Variants in MBNL1 observed in about 807,000 individuals in gnomAD.
MBNL1 encodes muscleblind like splicing regulator 1.
Under a neutral mutation model 42.2 loss-of-function variants are expected in MBNL1, and 8 were observed. The ratio of observed to expected loss-of-function variants is 0.19; its 90% CI spans 0.11 to 0.34. The LOEUF (loss-of-function observed/expected upper bound fraction) is 0.34. Ranked by LOEUF, MBNL1 falls within the 10% of genes least tolerant of loss-of-function variation. The pLI is 1.00. For missense variants in MBNL1, 309 were observed against 495.3 expected (o/e 0.62, Z 3.57); for synonymous variants, 169 against 173.9 (o/e 0.97, Z 0.22).
chr3:152,407,217 T>A (rs1225853422), intron 2 of MBNL1, among the ~76,000 whole-genome samples: 1 of 146,844 alleles, frequency 6.8e-6, no homozygotes. Flanking sequence ...TTCTTTTTTT[T>A]TTTTTTTTTT....
intron 2 of MBNL1, among the ~76,000 whole-genome samples, chr3:152,390,314 T>C (rs2097654855): frequency 6.6e-6 from 1 of 151,924 alleles, no homozygotes; most frequent in East Asian, 1.9e-4. Flanking sequence ...GTATATGTTA[T>C]TTTAGGCCTA....
chr3:152,376,834 A>G lies in MBNL1; in HGVS notation c.175-38107A>G, dbSNP rs900558204. Among the ~76,000 whole-genome samples, 13 of 152,138 alleles carry G rather than the reference A, an allele frequency of 8.5e-5. 2 individuals are homozygous for G. The South Asian group carries it at 2.5e-3, about 29-fold the overall frequency. ...CACACACATACACACACACATACAT[A>G]TATATCTCTTCTTGGGGAAAATGGG... is the stretch of plus-strand genomic sequence containing the variant. On this transcript the variant is annotated intron_variant, in intron 2 of 9. Transcript: ENST00000324210.
chr3:152,288,291 T>C (rs1456920594), intron 1 of MBNL1, among the ~76,000 whole-genome samples: 1 of 152,204 alleles, frequency 6.6e-6, no homozygotes, highest in African/African-American at 2.4e-5. Context: ...TATAAGAGTA[T>C]ATACCTATCT....
At chr3:152,272,026 TC>T (rs1431538927) in intron 1 of MBNL1, among the ~76,000 whole-genome samples, 5 of 144,660 alleles carry the variant, frequency 3.5e-5, no homozygotes, top group Non-Finnish European at 7.5e-5. Flanking sequence ...TAGATTAACT[TC>T]ACCTGTTTCT....
At chr3:152,430,806 CTTG>C (rs1172284110) in intron 3 of MBNL1, among the ~76,000 whole-genome samples, 2 of 152,104 alleles carry the variant, frequency 1.3e-5, no homozygotes, top group Non-Finnish European at 2.9e-5. Context: ...ACAGATAGTT[CTTG>C]TTGTCTGCAG....
At chr3:152,347,868 T>C (rs1275396644) in intron 2 of MBNL1, among the ~76,000 whole-genome samples, 2 of 152,174 alleles carry the variant, frequency 1.3e-5, no homozygotes, top group African/African-American at 4.8e-5. Flanking sequence ...TTTAAAAATA[T>C]ACTGTGAAAG....
At chr3:152,329,971 CA>C (rs1332401332) in intron 2 of MBNL1, among the ~76,000 whole-genome samples, 4 of 151,830 alleles carry the variant, frequency 2.6e-5, no homozygotes, top group South Asian at 4.1e-4. Flanking sequence ...CTATATCATA[CA>C]AAAATATTTA....
At chr3:152,284,921 C>T (rs1019786255) in intron 1 of MBNL1, among the ~76,000 whole-genome samples, 4 of 152,050 alleles carry the variant, frequency 2.6e-5, no homozygotes, top group Non-Finnish European at 4.4e-5. Context: ...AAATCAGCTA[C>T]GGAGTATCTA....
intron 2 of MBNL1, among the ~76,000 whole-genome samples, chr3:152,251,815 T>C (rs1368496093): frequency 6.6e-6 from 1 of 152,060 alleles, no homozygotes; most frequent in Non-Finnish European, 1.5e-5. Flanking sequence ...CTCTATTGCA[T>C]AATGATGGCT....
chr3:152,459,477 G>A, intron 9 of MBNL1, 132 bp downstream of exon 9: 1 of 425,296 alleles, frequency 2.4e-6, no homozygotes, highest in Non-Finnish European at 4.3e-6. Context: ...TCTTAAATGG[G>A]TGTGAGGAAT....
At chr3:152,388,611 C>A (rs1449582204) in intron 2 of MBNL1, among the ~76,000 whole-genome samples, 1 of 152,108 alleles carries the variant, frequency 6.6e-6, no homozygotes, top group East Asian at 1.9e-4. Context: ...TCTAAAGTTT[C>A]CGACTTTGAG....
intron 2 of MBNL1, among the ~76,000 whole-genome samples, chr3:152,249,655 G>A (rs1006983715): frequency 3.3e-5 from 5 of 151,176 alleles, no homozygotes; most frequent in Non-Finnish European, 7.4e-5. Context: ...GGCTTTTGTT[G>A]CCATTCTTTT....
At chr3:152,250,686 C>A (rs1299787531) in intron 2 of MBNL1, among the ~76,000 whole-genome samples, 1 of 150,260 alleles carries the variant, frequency 6.7e-6, no homozygotes, top group Admixed American at 6.7e-5. Context: ...GAGGGCATCC[C>A]TGTCTTGTGC....
chr3:152,304,811 C>T (rs193097763), intron 2 of MBNL1, among the ~76,000 whole-genome samples: 34 of 152,306 alleles, frequency 2.2e-4, no homozygotes, highest in Admixed American at 1.9e-3. Context: ...TTCTCAATAG[C>T]TGCAGTTGCT....
chr3:152,280,356 AAATC>A (rs1419875497), intron 1 of MBNL1, among the ~76,000 whole-genome samples: 1 of 152,186 alleles, frequency 6.6e-6, no homozygotes, highest in East Asian at 1.9e-4. Context: ...AGAAGAGACA[AAATC>A]AACTCATAAT....
At chr3:152,301,903 A>G (rs1474853583) in intron 2 of MBNL1, 3 of 152,160 alleles carry the variant, frequency 2.0e-5, no homozygotes, top group Non-Finnish European at 4.4e-5. Flanking sequence ...AGTAAATCCA[A>G]TTTTTAATCC....
At chr3:152,326,765 T>C (rs2080465086) in intron 2 of MBNL1, among the ~76,000 whole-genome samples, 1 of 130,430 alleles carries the variant, frequency 7.7e-6, no homozygotes, top group African/African-American at 2.9e-5. Context: ...TAAAAAATTT[T>C]TCCCTTGGGA....
At chr3:152,269,744 G>A (rs1379602858) in intron 1 of MBNL1, 1 of 240,812 alleles carries the variant, frequency 4.2e-6, no homozygotes, top group Non-Finnish European at 8.4e-6. Flanking sequence ...TTTTTTCATC[G>A]TTTTGTAGTG....
upstream of MBNL1, chr3:152,268,509 C>G (rs897371120): frequency 3.0e-6 from 1 of 333,828 alleles, no homozygotes; most frequent in African/African-American, 2.3e-5. Flanking sequence ...GGGCCTCTTT[C>G]AAAATGAACC....
Sources: allele counts gnomAD v4.1 joint callset (sites outside exome capture counted in the v4.1 genomes callset), GRCh38; gene constraint gnomAD v4.1.1; transcripts MANE v1.5; gene names NCBI Gene and HGNC (gene_info 2026-07-23, HGNC 2026-07-21).